Variants in JMJD1C observed in about 807,000 individuals in gnomAD.
JMJD1C encodes jumonji domain-containing protein 1C.
A neutral mutation model predicts 245.3 loss-of-function variants in JMJD1C; 31 were observed. That is an observed-to-expected ratio of 0.13 (90% CI 0.09 to 0.17). The LOEUF (loss-of-function observed/expected upper bound fraction) is 0.17. Ranked by LOEUF, JMJD1C falls within the 10% of genes least tolerant of loss-of-function variation. JMJD1C has a pLI of 1.00. For missense variants in JMJD1C, 2,691 were observed against 3,000.2 expected (o/e 0.90, Z 2.41); for synonymous variants, 1,057 against 1,017.4 (o/e 1.04, Z -0.74).
At chr10:63,484,709 A>T (rs1953940063) in intron 1 of JMJD1C, among the ~76,000 whole-genome samples, 1 of 152,174 alleles carries the variant, frequency 6.6e-6, no homozygotes, top group Non-Finnish European at 1.5e-5. Flanking sequence ...GGCACTATCC[A>T]TGCCAATTTA....
At chr10:63,432,794 T>C (rs1261419926) in intron 1 of JMJD1C, among the ~76,000 whole-genome samples, 2 of 152,164 alleles carry the variant, frequency 1.3e-5, no homozygotes, top group African/African-American at 4.8e-5. Context: ...TACAACATTG[T>C]TGATGTTTAT....
intron 1 of JMJD1C, among the ~76,000 whole-genome samples, chr10:63,477,597 G>A (rs1953705060): frequency 6.8e-6 from 1 of 147,726 alleles, no homozygotes; most frequent in Non-Finnish European, 1.5e-5. Flanking sequence ...ATACTTTGCA[G>A]CATATACTGA....
chr10:63,268,082 T>C (rs1855839371), intron 2 of JMJD1C, among the ~76,000 whole-genome samples: 1 of 150,268 alleles, frequency 6.7e-6, no homozygotes, highest in East Asian at 1.9e-4. Flanking sequence ...TCTTAGTTTC[T>C]AACAATCTCC....
chr10:63,206,795 C>T lies in JMJD1C; in HGVS notation c.4874G>A (p.Gly1625Asp). Residue 1625 changes from glycine (G) to aspartate (D), a missense_variant, in exon 10 of 26, where the codon GGC becomes GAC. Transcript: ENST00000399262. The stretch of plus-strand genomic sequence containing the variant: ...TTCATCTGAGTCTCCACTTTCAGAG[C>T]CAGATTCATAAGTTCTTTTGGCTTT... The part of the protein sequence containing the change: ...RRKAKRTYES[G>D]SESGDSDESE... 1 of 1,605,570 alleles carries T rather than the reference C, an allele frequency of 6.2e-7. No individual in the cohort carries two copies. The highest frequency in any genetic ancestry group is 8.5e-7 in the Non-Finnish European group (1 of 1,177,838).
intron 1 of JMJD1C, among the ~76,000 whole-genome samples, chr10:63,424,976 ACTGTGGCCG>A (rs1950356998): frequency 2.0e-5 from 3 of 152,086 alleles, no homozygotes; most frequent in Admixed American, 6.6e-5. Context: ...TCAGCTTTTA[ACTGTGGCCG>A]CTCACCAACT....
In JMJD1C at chr10:63,453,249, T is replaced by C. The variant is rs545772630; in HGVS notation, c.168+12246A>G. Among the ~76,000 whole-genome samples, 29 of 152,356 alleles carry C rather than the reference T, an allele frequency of 1.9e-4. No homozygotes were observed. In the South Asian group the frequency reaches 5.6e-3, roughly 29 times the overall value. On this transcript the variant is annotated intron_variant, in intron 1 of 25. Coordinates refer to ENST00000399262, the MANE Select transcript of JMJD1C (RefSeq NM_032776.3). ...GAGATGGCGCCACTGCACTCCAGCCTGGGTGACAGAGCAAGACCCTGTCTC... is the reference window on the plus strand; with the variant it reads ...GAGATGGCGCCACTGCACTCCAGCCCGGGTGACAGAGCAAGACCCTGTCTC...
Position 63,264,687 on chromosome 10 carries a change from A to T in JMJD1C, c.411T>A (p.Asp137Glu). ...GAAAGGCACTATCTTCAGTTAAAAA[A>T]TCCAGTTGCTTATCTACAAGGAATT... Reference protein sequence around the residue: ...AVEFLVDKQLDFLTEDSAFQP... With the variant: ...AVEFLVDKQLEFLTEDSAFQP... The change falls in exon 3 of 26, where the codon GAT (aspartate) becomes GAA (glutamate). Residue 137 changes from aspartate to glutamate, a missense_variant. Physicochemically the swap from Asp to Glu is conservative, Grantham distance 45. Coordinates refer to ENST00000399262, the MANE Select transcript of JMJD1C (RefSeq NM_032776.3). 3.1e-6 allele frequency: 5 copies of T among 1,587,586 alleles called. No homozygotes were observed. The highest frequency in any genetic ancestry group is 4.3e-6 in the Non-Finnish European group (5 of 1,163,884).
intron 3 of JMJD1C, among the ~76,000 whole-genome samples, chr10:63,223,245 T>G (rs1174715988): frequency 1.4e-5 from 2 of 144,490 alleles, no homozygotes; most frequent in Admixed American, 6.8e-5. Flanking sequence ...TTTTTTTTTT[T>G]TCTGAGACAC....
At chr10:63,232,801 C>T (rs988639171) in intron 3 of JMJD1C, among the ~76,000 whole-genome samples, 4 of 152,116 alleles carry the variant, frequency 2.6e-5, no homozygotes, top group Admixed American at 6.5e-5. Flanking sequence ...TTTCTATGGA[C>T]TCATGATTTT....
intron 1 of JMJD1C, among the ~76,000 whole-genome samples, chr10:63,397,473 A>G (rs1384350393): frequency 2.0e-5 from 3 of 152,058 alleles, no homozygotes; most frequent in Non-Finnish European, 4.4e-5. Flanking sequence ...TCGGCCTCCC[A>G]AAGTGTTGGG....
At chr10:63,398,492 G>A (rs987902807) in intron 1 of JMJD1C, among the ~76,000 whole-genome samples, 26 of 151,844 alleles carry the variant, frequency 1.7e-4, no homozygotes, top group Admixed American at 5.2e-4. Context: ...TACATAATAC[G>A]GTATTCTTCA....
At chr10:63,245,382 G>A (rs1182438681) in intron 3 of JMJD1C, among the ~76,000 whole-genome samples, 2 of 151,434 alleles carry the variant, frequency 1.3e-5, no homozygotes, top group East Asian at 3.9e-4. Flanking sequence ...CACATGGCTA[G>A]GGAGGCCTCA....
chr10:63,294,518 T>G (rs1859151733), intron 2 of JMJD1C, among the ~76,000 whole-genome samples: 1 of 152,130 alleles, frequency 6.6e-6, no homozygotes, highest in Non-Finnish European at 1.5e-5. Context: ...TCTCTTGACC[T>G]CGTGATCCGC....
rs570315451 is a variant in JMJD1C at position 63,246,013 on chromosome 10, T to A, written c.447+18638A>T. Among the ~76,000 whole-genome samples the A allele has an allele frequency of 7.6e-4, 116 of 152,210 alleles. 2 individuals are homozygous for A. The South Asian group carries it at 0.02, about 26-fold the overall frequency. On this transcript the variant is annotated intron_variant, in intron 3 of 25. Transcript: ENST00000399262. ...AATCAGTGAGCTCAAAGATAGGCTA[T>A]TTAAGAATCCTGTCAGAGAAGAAAA...
chr10:63,477,688 T>G (rs1953707302), intron 1 of JMJD1C, among the ~76,000 whole-genome samples: 1 of 152,042 alleles, frequency 6.6e-6, no homozygotes. Flanking sequence ...AGGAAACATT[T>G]TGTGACACTG....
chr10:63,387,460 CAA>C (rs34270720), intron 1 of JMJD1C, among the ~76,000 whole-genome samples: 1 of 151,052 alleles, frequency 6.6e-6, no homozygotes, highest in Non-Finnish European at 1.5e-5. Flanking sequence ...AAAAATTCAC[CAA>C]AGAGACAGCA....
intron 1 of JMJD1C, among the ~76,000 whole-genome samples, chr10:63,510,450 C>T (rs1954841768): frequency 6.6e-6 from 1 of 152,110 alleles, no homozygotes; most frequent in Admixed American, 6.6e-5. Flanking sequence ...TTTTGAGATT[C>T]CTTCTTTGAA....
intron 1 of JMJD1C, among the ~76,000 whole-genome samples, chr10:63,473,977 A>T (rs1169471279): frequency 6.6e-6 from 1 of 152,084 alleles, no homozygotes; most frequent in East Asian, 1.9e-4. Context: ...CGGGAGGCGA[A>T]CGTTGCAGTG....
chr10:63,484,597 ATC>A (rs1953935880), intron 1 of JMJD1C, among the ~76,000 whole-genome samples: 1 of 152,072 alleles, frequency 6.6e-6, no homozygotes, highest in South Asian at 2.1e-4. Flanking sequence ...GATCTTGATG[ATC>A]AAACCAATAA....
Sources: allele counts gnomAD v4.1 joint callset (sites outside exome capture counted in the v4.1 genomes callset), GRCh38; gene constraint gnomAD v4.1.1; transcripts MANE v1.5; gene names NCBI Gene and HGNC (gene_info 2026-07-23, HGNC 2026-07-21).